The following GLB1L3 variants were observed in gnomAD, a reference collection of about 807,000 sequenced individuals.
GLB1L3 encodes beta-galactosidase-1-like protein 3.
GLB1L3 carries 89 observed loss-of-function variants against 89.5 expected under a neutral mutation model. That is an observed-to-expected ratio of 0.99 (90% CI 0.84 to 1.19). The LOEUF is 1.19. GLB1L3 is among the 50% of genes most tolerant of loss of function. The pLI, the probability that GLB1L3 is intolerant of heterozygous loss-of-function variation, is 0.00. For synonymous variants in GLB1L3, 314 were observed against 312.3 expected, an observed-to-expected ratio of 1.01 and a Z score of -0.06; for missense variants, 812 against 813.3, an observed-to-expected ratio of 1.00 and a Z score of 0.02.
chr11:134,315,465 A>C (rs2136232266), intron 18 of GLB1L3, among the ~76,000 whole-genome samples: 1 of 152,284 alleles, frequency 6.6e-6, no homozygotes, highest in East Asian at 1.9e-4. Context: ...TTTTTGAAAA[A>C]GTGTGTGAGT....
At position 134,281,395 on chromosome 11, in the gene GLB1L3, G is replaced by T; in HGVS notation, c.381G>T (p.Leu127=). The T allele has an allele frequency of 6.2e-7, 1 of 1,614,174 alleles. No homozygotes were observed. Among genetic ancestry groups the T allele is most frequent in the Admixed American group, 1.7e-5 (1 of 60,026 alleles). ...NTVTTYVPWN[L]HEPERGKFDF... ...CTTCTAGCTATGTTCCGTGGAACCT[G>T]CATGAGCCAGAAAGAGGCAAATTTG... Residue 127 remains leucine (L), a synonymous_variant, in exon 4 of 20, where the codon CTG becomes CTT. Transcript: ENST00000431683.
intron 18 of GLB1L3, among the ~76,000 whole-genome samples, chr11:134,316,578 C>CT (rs1189548719): frequency 6.6e-6 from 1 of 152,112 alleles, no homozygotes; most frequent in African/African-American, 2.4e-5. Flanking sequence ...AGCACTTCAC[C>CT]TGTAGGTGCT....
chr11:134,311,563 A>C, intron 13 of GLB1L3: 1 of 175,758 alleles, frequency 5.7e-6, no homozygotes, highest in East Asian at 1.7e-4. Flanking sequence ...CCCCTTTTCC[A>C]TCAGCCTTCC....
At chr11:134,317,971 G>A (rs1943051365) in intron 18 of GLB1L3, among the ~76,000 whole-genome samples, 1 of 152,032 alleles carries the variant, frequency 6.6e-6, no homozygotes, top group Admixed American at 6.6e-5. Flanking sequence ...CAGAGCTATA[G>A]CAACTTCCTT....
chr11:134,283,950 G>T (rs758312624), intron 6 of GLB1L3, 105 bp downstream of exon 6: 8 of 696,274 alleles, frequency 1.1e-5, no homozygotes, highest in Non-Finnish European at 1.8e-5. Flanking sequence ...ATGAACAATT[G>T]AGTTGACTTT....
chr11:134,294,152 C>T (rs138123223), intron 9 of GLB1L3, among the ~76,000 whole-genome samples: 5,647 of 152,064 alleles, frequency 0.037, 136 homozygotes, highest in Non-Finnish European at 0.052. Flanking sequence ...CTGCAACCTC[C>T]GCCTCCTTGG....
rs1309128732 is a variant in GLB1L3, at chr11:134,277,396, C to T, written c.94C>T (p.Arg32Trp). ...ATTTATCTCATCAGGTTTTGCTCCT[C>T]GGTTTAAGCAGGAAGAGAACTTCAT... ...LPFISSGFAP[R>W]FKQEENFMLG... The change falls in exon 2 of 20, where the codon CGG becomes TGG. Residue 32 changes from arginine (R) to tryptophan (W), a missense_variant. By Grantham distance (101) the Arg-to-Trp change is moderately radical. This residue lies in a region of GLB1L3 where 191 missense variants were observed against 191.4 expected (regional missense o/e 1.00). Coordinates refer to ENST00000431683, the MANE Select transcript of GLB1L3 (RefSeq NM_001080407.3). The T allele has an allele frequency of 5.6e-6, 9 of 1,613,950 alleles. No homozygotes were observed. Among genetic ancestry groups the T allele is most frequent in the Non-Finnish European group, 6.8e-6 (8 of 1,179,882 alleles).
chr11:134,324,868 C>T, the GLB1L3 span, among the ~76,000 whole-genome samples: 1 of 151,740 alleles, frequency 6.6e-6, no homozygotes, highest in Non-Finnish European at 1.5e-5. Flanking sequence ...ATAACATAAT[C>T]TTTATTGTGT....
chr11:134,302,460 C>T (rs1019964978), intron 9 of GLB1L3, among the ~76,000 whole-genome samples: 1 of 152,096 alleles, frequency 6.6e-6, no homozygotes, highest in Non-Finnish European at 1.5e-5. Context: ...TTGTTATTCA[C>T]TTAATTCTAT....
intron 13 of GLB1L3, chr11:134,311,439 A>G (rs1942731411): frequency 2.5e-6 from 1 of 404,004 alleles, no homozygotes; most frequent in Non-Finnish European, 4.5e-6. Flanking sequence ...TCTTGTTTGG[A>G]CTGTGTGGTC....
Position 134,313,466 on chromosome 11 carries a change from A to G in GLB1L3, c.1571A>G (p.Glu524Gly), listed in dbSNP as rs780782748. 6.3e-7 allele frequency: 1 copy of G among 1,576,490 alleles called. No homozygotes were observed. Among genetic ancestry groups the G allele is most frequent in the Non-Finnish European group, 8.6e-7 (1 of 1,160,602 alleles). The stretch of plus-strand genomic sequence containing the variant: ...AATTTTTCATGGCAAATACAGAATG[A>G]GCAGAAAGGTGGGCTCTGGCTGTGG... ...RVNFSWQIQN[E>G]QKGITGSVSI... is the part of the protein sequence containing the mutation. Residue 524 changes from glutamate (E) to glycine (G), a missense_variant, in exon 16 of 20, where the codon GAG becomes GGG. By Grantham distance (98) the Glu-to-Gly change is moderately conservative. Around this residue, in one of 3 missense-constraint regions of GLB1L3, gnomAD observed 618 missense variants for 604.0 expected, o/e 1.02. Coordinates refer to ENST00000431683, the MANE Select transcript of GLB1L3 (RefSeq NM_001080407.3).
rs542528760 is a variant in GLB1L3 at position 134,304,316 on chromosome 11, CTT to C, written c.877-2806_877-2805del. Among the ~76,000 whole-genome samples the C allele has an allele frequency of 4.5e-3, 684 of 152,264 alleles. 7 individuals are homozygous for C. The highest frequency in any genetic ancestry group is 0.016 in the African/African-American group (665 of 41,534). ...TATGGTGATACTGTATTTGATTTAA[CTT>C]TGTAAAAATCCTCAATGAGTGGGTT... On this transcript the variant is annotated intron_variant, in intron 9 of 19. Coordinates refer to ENST00000431683, the MANE Select transcript of GLB1L3 (RefSeq NM_001080407.3).
intron 1 of GLB1L3, chr11:134,277,028 G>A: frequency 1.8e-6 from 1 of 569,386 alleles, no homozygotes; most frequent in African/African-American, 1.9e-5. Context: ...TGTCCTTCCC[G>A]AACCTGGTGC....
chr11:134,288,688 G>A (rs1385550537), intron 6 of GLB1L3, 110 bp from the exon 7 acceptor site: 1 of 694,238 alleles, frequency 1.4e-6, no homozygotes, highest in East Asian at 2.7e-5. Context: ...CAGGGGCCGT[G>A]GATCAGAGCC....
At chr11:134,313,188 C>T (rs992639471) in intron 15 of GLB1L3, among the ~76,000 whole-genome samples, 2 of 152,342 alleles carry the variant, frequency 1.3e-5, no homozygotes, top group Non-Finnish European at 2.9e-5. Flanking sequence ...CTGAGTCTCT[C>T]TGCCTTTCCT....
At chr11:134,291,536 C>T (rs1941359167) in intron 7 of GLB1L3, among the ~76,000 whole-genome samples, 1 of 152,152 alleles carries the variant, frequency 6.6e-6, no homozygotes, top group Non-Finnish European at 1.5e-5. Flanking sequence ...CATGCCTGGC[C>T]TCTCCCATGT....
At chr11:134,294,495 T>C (rs1427087598) in intron 9 of GLB1L3, among the ~76,000 whole-genome samples, 1 of 152,244 alleles carries the variant, frequency 6.6e-6, no homozygotes, top group African/African-American at 2.4e-5. Context: ...GTTCTTTTTT[T>C]CTTGTCACTT....
Position 134,292,150 on chromosome 11 carries a change from A to G in GLB1L3, c.748A>G (p.Ile250Val), listed in dbSNP as rs1941395534. ...YLHKALLRRG[I>V]VELLLTSDGE... is the part of the protein sequence containing the mutation. ...TCAACAGGCCCTGCTGAGAAGAGGG[A>G]TTGTGGAGCTTCTCTTGACCTCTGA... The change falls in exon 8 of 20, where the codon ATT becomes GTT. Residue 250 changes from isoleucine to valine, a missense_variant. By Grantham distance (29) the Ile-to-Val change is conservative. Around this residue, in one of 3 missense-constraint regions of GLB1L3, gnomAD observed 618 missense variants for 604.0 expected, o/e 1.02. Transcript: ENST00000431683. 6.2e-7 allele frequency: 1 copy of G among 1,613,498 alleles called. No homozygotes were observed. Among genetic ancestry groups the G allele is most frequent in the East Asian group, 2.2e-5 (1 of 44,856 alleles).
At chr11:134,296,043 T>G (rs1941618976) in intron 9 of GLB1L3, among the ~76,000 whole-genome samples, 1 of 152,216 alleles carries the variant, frequency 6.6e-6, no homozygotes, top group South Asian at 2.1e-4. Context: ...TGGTCATTCT[T>G]GGTGAATGTT....
Sources: gnomAD v4.1 joint callset for allele counts (sites outside exome capture counted in the v4.1 genomes callset) on GRCh38, gnomAD v4.1.1 for gene constraint, gnomAD v4.1.1 regional missense constraint, MANE v1.5 for transcripts, NCBI Gene and HGNC (gene_info 2026-07-23, HGNC 2026-07-21) for gene names.